SRGAP3: variants seen among roughly 807,000 people sequenced by gnomAD.
The protein encoded by SRGAP3 is SLIT-ROBO Rho GTPase-activating protein 3.
A neutral mutation model predicts 121.1 loss-of-function variants in SRGAP3; 39 were observed. That is an observed-to-expected ratio of 0.32 (90% confidence interval 0.25 to 0.42). SRGAP3 has a LOEUF of 0.42. Among genes scored for constraint, SRGAP3 ranks in the 10% least tolerant of loss-of-function variants. The pLI is 1.00. For missense variants in SRGAP3, 1,213 were observed against 1,470.6 expected, an observed-to-expected ratio of 0.82 and a Z score of 2.86; for synonymous variants, 601 against 570.0, an observed-to-expected ratio of 1.05 and a Z score of -0.77.
chr3:9,120,169 G>A (rs1948951344), intron 2 of SRGAP3, among the ~76,000 whole-genome samples: 1 of 152,318 alleles, frequency 6.6e-6, no homozygotes, highest in South Asian at 2.1e-4. Flanking sequence ...GTTCACCACT[G>A]TAAACCCAGG....
At chr3:9,091,011 A>G (rs921431681) in intron 3 of SRGAP3, among the ~76,000 whole-genome samples, 1 of 149,356 alleles carries the variant, frequency 6.7e-6, no homozygotes, top group African/African-American at 2.4e-5. Context: ...TTCCAGAGCT[A>G]ATGTCATTCT....
chr3:9,182,690 A>T (rs968738857), intron 1 of SRGAP3, among the ~76,000 whole-genome samples: 4 of 152,098 alleles, frequency 2.6e-5, no homozygotes, highest in Non-Finnish European at 4.4e-5. Flanking sequence ...GTCTTGCTCT[A>T]TCACCCAGGC....
At chr3:9,308,134 G>A (rs528666134) in intron 3 of SRGAP3, among the ~76,000 whole-genome samples, 3 of 152,280 alleles carry the variant, frequency 2.0e-5, no homozygotes, top group South Asian at 2.1e-4. Flanking sequence ...CAGTTTGGTC[G>A]ACAGAGCTAG....
intron 3 of SRGAP3, 98 bp downstream of exon 3, chr3:9,104,582 C>T: frequency 1.3e-6 from 2 of 1,534,594 alleles, no homozygotes; most frequent in Non-Finnish European, 1.8e-6. Flanking sequence ...CTCCTGGTCC[C>T]TTGTCTCCAA....
chr3:9,176,961 C>T (rs1951200329), intron 1 of SRGAP3, among the ~76,000 whole-genome samples: 1 of 152,202 alleles, frequency 6.6e-6, no homozygotes, highest in African/African-American at 2.4e-5. Context: ...AAGTCAATAG[C>T]AGCAAGGTTA....
intron 3 of SRGAP3, among the ~76,000 whole-genome samples, chr3:9,285,758 C>T (rs570753303): frequency 4.4e-5 from 6 of 136,268 alleles, no homozygotes; most frequent in South Asian, 2.4e-4. Flanking sequence ...AACATAGTGA[C>T]GCCCCACCTC....
At chr3:9,131,187 A>C (rs1013425567) in intron 1 of SRGAP3, among the ~76,000 whole-genome samples, 2 of 152,264 alleles carry the variant, frequency 1.3e-5, no homozygotes, top group Non-Finnish European at 2.9e-5. Flanking sequence ...AAAATAAAAC[A>C]GAATTGTTCC....
At chr3:9,161,417 A>G (rs1293815267) in intron 1 of SRGAP3, among the ~76,000 whole-genome samples, 1 of 152,250 alleles carries the variant, frequency 6.6e-6, no homozygotes, top group African/African-American at 2.4e-5. Flanking sequence ...ACACTGCACC[A>G]AAAAGCACAA....
Position 8,992,293 on chromosome 3 carries a change from T to G in SRGAP3, c.2558+613A>C, listed in dbSNP as rs775137481. Among the ~76,000 whole-genome samples the G allele has an allele frequency of 4.7e-4, 72 of 152,316 alleles. 1 individual carries two copies. The highest frequency in any genetic ancestry group is 8.8e-4 in the Non-Finnish European group (60 of 68,024). ...TTTCTTTTCTTTTCTTCTTATTTCC[T>G]CATTAATTTTTTAAAAAATAACCAC... On this transcript the variant is annotated intron_variant, in intron 20 of 21. Coordinates refer to ENST00000383836, the MANE Select transcript of SRGAP3 (RefSeq NM_014850.4).
In SRGAP3 at chr3:9,048,009, A is replaced by C. The variant is rs143343829; in HGVS notation, c.1324-534T>G. On this transcript the variant is annotated intron_variant, in intron 9 of 21. Transcript: ENST00000383836. ...GAGGCTTTCCCATTAAAATAACCCA[A>C]ACTGCAGGGGGTGATAAGATTTTCT... 5.4e-3 allele frequency among the ~76,000 whole-genome samples: 815 copies of C among 152,280 alleles called. 6 individuals carry two copies. Among genetic ancestry groups the C allele is most frequent in the African/African-American group, 0.018 (764 of 41,570 alleles).
intron 3 of SRGAP3, 29 bp from the exon 4 acceptor site, chr3:9,080,116 G>T (rs1947169821): frequency 6.2e-7 from 1 of 1,613,116 alleles, no homozygotes; most frequent in Non-Finnish European, 8.5e-7. Context: ...AATGTCAGCG[G>T]GGGAGAAGTT....
chr3:9,269,871 G>C (rs1364315871), intron 3 of SRGAP3, among the ~76,000 whole-genome samples: 2 of 151,974 alleles, frequency 1.3e-5, no homozygotes, highest in Non-Finnish European at 2.9e-5. Flanking sequence ...TGGCAAGGAA[G>C]GAAGAAAGGG....
intron 1 of SRGAP3, among the ~76,000 whole-genome samples, chr3:9,338,429 C>A (rs543949079): frequency 6.6e-6 from 1 of 152,158 alleles, no homozygotes; most frequent in South Asian, 2.1e-4. Context: ...AAATATCTAG[C>A]CAATTTTGGA....
intron 4 of SRGAP3, among the ~76,000 whole-genome samples, chr3:9,076,931 T>C (rs1946998906): frequency 1.3e-5 from 2 of 152,204 alleles, no homozygotes; most frequent in South Asian, 4.1e-4. Flanking sequence ...CTGACTTGTG[T>C]TGTAGCAACA....
At chr3:9,177,506 T>A (rs749263778) in intron 1 of SRGAP3, among the ~76,000 whole-genome samples, 1 of 151,900 alleles carries the variant, frequency 6.6e-6, no homozygotes, top group Non-Finnish European at 1.5e-5. Context: ...TGCCACGGAG[T>A]CTGACCCATG....
intron 1 of SRGAP3, among the ~76,000 whole-genome samples, chr3:9,152,085 T>C (rs1388374558): frequency 6.6e-6 from 1 of 152,238 alleles, no homozygotes; most frequent in East Asian, 1.9e-4. Flanking sequence ...GTACTCTCCA[T>C]GAGGGCAGGG....
chr3:9,341,832 T>C (rs1374136599), intron 1 of SRGAP3, among the ~76,000 whole-genome samples: 1 of 152,190 alleles, frequency 6.6e-6, no homozygotes, highest in Non-Finnish European at 1.5e-5. Context: ...CTAGGCTTTC[T>C]GGTAGACATG....
chr3:9,279,326 G>A (rs1304113374), intron 3 of SRGAP3, among the ~76,000 whole-genome samples: 2 of 151,958 alleles, frequency 1.3e-5, no homozygotes, highest in Non-Finnish European at 1.5e-5. Context: ...GCTATTACCT[G>A]AAAAGGGGAT....
rs528897757 is a variant in SRGAP3 at position 9,299,253 on chromosome 3, C to T, written n.442+26757G>A. 6.0e-5 allele frequency among the ~76,000 whole-genome samples: 9 copies of T among 149,152 alleles called. No individual in the cohort carries two copies. In the South Asian group the frequency reaches 1.3e-3, roughly 21 times the overall value. ...GTGCATGCCTGTAGTCCCAGCTACA[C>T]GGGAGTCTGAGGCAGGAGAATTGCT... On this transcript the variant is annotated intron_variant and non_coding_transcript_variant, in intron 3 of 3. Coordinates refer to the SRGAP3 transcript ENST00000490889.
Sources: allele counts gnomAD v4.1 joint callset (sites outside exome capture counted in the v4.1 genomes callset), GRCh38; gene constraint gnomAD v4.1.1; transcripts MANE v1.5; gene names NCBI Gene and HGNC (gene_info 2026-07-23, HGNC 2026-07-21).